The following ABCB1 variants were observed in gnomAD, a reference collection of about 807,000 sequenced individuals.
The protein encoded by ABCB1 is ATP binding cassette subfamily B member 1, also known as ATP-dependent translocase ABCB1.
In ABCB1, 69 loss-of-function variants were observed where a neutral mutation model predicts 142.0. The ratio of observed to expected loss-of-function variants is 0.49; its 90% CI spans 0.40 to 0.59. The LOEUF is 0.59. Ranked by LOEUF, ABCB1 falls within the 20% of genes least tolerant of loss-of-function variation. The probability of loss-of-function intolerance (pLI) is 0.00; values close to 1 mark genes in which losing one functional copy is unlikely to be tolerated. For missense variants in ABCB1, 1,326 were observed against 1,554.7 expected (o/e 0.85, Z 2.47); for synonymous variants, 532 against 539.2 (o/e 0.99, Z 0.18).
At chr7:87,703,984 G>A (rs1202642398) in intron 1 of ABCB1, among the ~76,000 whole-genome samples, 12 of 113,502 alleles carry the variant, frequency 1.1e-4, no homozygotes, top group East Asian at 2.9e-4. Flanking sequence ...GCAAAGGTAC[G>A]ATCTCAGCTC....
At chr7:87,600,469 A>G (rs1417469105) in intron 1 of ABCB1, among the ~76,000 whole-genome samples, 3 of 152,034 alleles carry the variant, frequency 2.0e-5, no homozygotes, top group Non-Finnish European at 4.4e-5. Context: ...GCCGCGGACG[A>G]TGCTTCCTCC....
At chr7:87,549,585 T>A in intron 13 of ABCB1, 67 bp from the exon 14 acceptor site, 1 of 1,609,246 alleles carries the variant, frequency 6.2e-7, no homozygotes, top group African/African-American at 1.3e-5. Context: ...TTTAAATTGG[T>A]AAGGAATCCT....
At chr7:87,524,435 C>T (rs964835703) in intron 21 of ABCB1, among the ~76,000 whole-genome samples, 1 of 152,062 alleles carries the variant, frequency 6.6e-6, no homozygotes, top group Non-Finnish European at 1.5e-5. Context: ...AAAGACAATC[C>T]TTTTGTCAGA....
At position 87,573,175 on chromosome 7, in the gene ABCB1, C is replaced by T. The variant is rs140759098; in HGVS notation, c.287-2952G>A. On this transcript the variant is annotated intron_variant, in intron 4 of 27. Coordinates refer to ENST00000622132, the MANE Select transcript of ABCB1 (RefSeq NM_001348946.2). ...AGGGGCAAAGGCATGTCTTACATGACGACAGTCAAGAGGGCACATGCAGGG... is the reference window on the plus strand; with the variant it reads ...AGGGGCAAAGGCATGTCTTACATGATGACAGTCAAGAGGGCACATGCAGGG... Among the ~76,000 whole-genome samples the T allele has an allele frequency of 2.4e-4, 37 of 152,230 alleles. 1 individual carries two copies. The highest frequency in any genetic ancestry group is 9.6e-4 in the East Asian group (5 of 5,184).
At chr7:87,690,775 A>C (rs1827940381) in intron 1 of ABCB1, among the ~76,000 whole-genome samples, 1 of 152,172 alleles carries the variant, frequency 6.6e-6, no homozygotes, top group South Asian at 2.1e-4. Context: ...CTTGTGAAAA[A>C]TCTGAATTAT....
At chr7:87,700,513 A>C in intron 1 of ABCB1, 1 of 1,613,484 alleles carries the variant, frequency 6.2e-7, no homozygotes, top group Non-Finnish European at 8.5e-7. Context: ...TTGTATCTGC[A>C]GCATTGAAAA....
intron 1 of ABCB1, among the ~76,000 whole-genome samples, chr7:87,670,874 A>G (rs1172453082): frequency 6.6e-6 from 1 of 152,098 alleles, no homozygotes; most frequent in African/African-American, 2.4e-5. Context: ...GTTCTCTGTC[A>G]ATGTTCTGAA....
chr7:87,712,952 A>G (rs190078910), intron 1 of ABCB1, among the ~76,000 whole-genome samples: 2 of 152,256 alleles, frequency 1.3e-5, no homozygotes, highest in African/African-American at 4.8e-5. Flanking sequence ...GAGTTATTTC[A>G]AAGTTTTTAT....
chr7:87,628,041 G>A (rs1195351314), intron 1 of ABCB1, among the ~76,000 whole-genome samples: 1 of 152,204 alleles, frequency 6.6e-6, no homozygotes, highest in Non-Finnish European at 1.5e-5. Flanking sequence ...TGTGGGAGCC[G>A]GCGCGCTGCT....
chr7:87,680,108 T>C (rs1429741333), intron 1 of ABCB1, among the ~76,000 whole-genome samples: 1 of 150,264 alleles, frequency 6.7e-6, no homozygotes. Flanking sequence ...CTTCCACTTA[T>C]GAGTGAGAAC....
chr7:87,521,513 T>C (rs868708679), intron 21 of ABCB1: 23 of 750,854 alleles, frequency 3.1e-5, no homozygotes, highest in Middle Eastern at 3.7e-4. Flanking sequence ...AAATTCTTCA[T>C]TGGAGGTTGA....
chr7:87,670,326 A>G (rs1206319330), intron 1 of ABCB1, among the ~76,000 whole-genome samples: 2 of 152,146 alleles, frequency 1.3e-5, no homozygotes, highest in Admixed American at 6.5e-5. Context: ...TGTCAGACCC[A>G]TTGGGTTCTG....
rs142928955 is a variant in ABCB1, at chr7:87,589,701, C to A, written c.118-4021G>T. Among the ~76,000 whole-genome samples, 867 of 151,908 alleles carry A rather than the reference C, an allele frequency of 5.7e-3. 11 individuals are homozygous for A. Among genetic ancestry groups the A allele is most frequent in the African/African-American group, 0.02 (829 of 41,410 alleles). On this transcript the variant is annotated intron_variant, in intron 3 of 27. Transcript: ENST00000622132. ...TCCAGAGGCTGGGGTGGTAGGATCA[C>A]TTAAGCCTGGGTGGTTGAACCTGCA...
At chr7:87,551,053 A>T (rs1250882824) in intron 9 of ABCB1, among the ~76,000 whole-genome samples, 2 of 152,136 alleles carry the variant, frequency 1.3e-5, no homozygotes, top group Non-Finnish European at 2.9e-5. Flanking sequence ...ACAGGTTCTC[A>T]TTCTGTCACC....
At chr7:87,517,275 T>C (rs1815294362) in intron 23 of ABCB1, among the ~76,000 whole-genome samples, 1 of 152,130 alleles carries the variant, frequency 6.6e-6, no homozygotes, top group Non-Finnish European at 1.5e-5. Context: ...CAACAGGATA[T>C]GGTGGAAATC....
intron 1 of ABCB1, among the ~76,000 whole-genome samples, chr7:87,708,471 A>C (rs1011193173): frequency 2.0e-5 from 3 of 152,168 alleles, no homozygotes; most frequent in Non-Finnish European, 4.4e-5. Flanking sequence ...TGGATATGTG[A>C]TATTTTTGCT....
chr7:87,683,680 C>T (rs1239045385), intron 1 of ABCB1, among the ~76,000 whole-genome samples: 2 of 152,152 alleles, frequency 1.3e-5, no homozygotes, highest in South Asian at 2.1e-4. Context: ...TCAAAGATCA[C>T]TCATCACAGT....
chr7:87,657,702 T>A (rs375578895), intron 1 of ABCB1, among the ~76,000 whole-genome samples: 1 of 152,060 alleles, frequency 6.6e-6, no homozygotes, highest in Admixed American at 6.6e-5. Flanking sequence ...AGAGGCCTGT[T>A]AGAGAGTTAT....
chr7:87,574,550 G>A (rs1818195604), intron 4 of ABCB1, among the ~76,000 whole-genome samples: 2 of 152,128 alleles, frequency 1.3e-5, no homozygotes, highest in Admixed American at 6.5e-5. Context: ...ATCTTCACCA[G>A]CTTTGCTCAC....
Sources: gnomAD v4.1 joint callset for allele counts (sites outside exome capture counted in the v4.1 genomes callset) on GRCh38, gnomAD v4.1.1 for gene constraint, MANE v1.5 for transcripts, NCBI Gene and HGNC (gene_info 2026-07-23, HGNC 2026-07-21) for gene names.